TAFA1: variants seen among roughly 807,000 people sequenced by gnomAD.
The protein encoded by TAFA1 is chemokine-like protein TAFA-1.
Under a neutral mutation model 18.5 loss-of-function variants are expected in TAFA1, and 4 were observed. That is an observed-to-expected ratio of 0.22 (90% CI 0.11 to 0.49). The LOEUF is 0.49. Ranked by LOEUF, TAFA1 falls within the 20% of genes least tolerant of loss-of-function variation. TAFA1 has a pLI of 0.98. For missense variants in TAFA1, 147 were observed against 169.0 expected, an observed-to-expected ratio of 0.87 and a Z score of 0.72; for synonymous variants, 56 against 55.2, an observed-to-expected ratio of 1.01 and a Z score of -0.06.
chr3:68,042,728 C>A (rs571707859), intron 2 of TAFA1, among the ~76,000 whole-genome samples: 1 of 152,122 alleles, frequency 6.6e-6, no homozygotes, highest in African/African-American at 2.4e-5. Context: ...TGTGTTTATG[C>A]ACTAATTTTC....
At chr3:68,290,522 C>T (rs962848247) in intron 2 of TAFA1, among the ~76,000 whole-genome samples, 1 of 152,036 alleles carries the variant, frequency 6.6e-6, no homozygotes, top group Non-Finnish European at 1.5e-5. Context: ...CCCCTTTGAA[C>T]CTTTGTTGAC....
intron 2 of TAFA1, among the ~76,000 whole-genome samples, chr3:68,316,222 TG>T (rs2068603096): frequency 6.6e-6 from 1 of 152,212 alleles, no homozygotes; most frequent in South Asian, 2.1e-4. Flanking sequence ...CTGCCTGAGT[TG>T]TGAAGTTGAC....
chr3:68,496,146 C>G (rs1055071156), intron 3 of TAFA1, among the ~76,000 whole-genome samples: 8 of 152,044 alleles, frequency 5.3e-5, no homozygotes. Flanking sequence ...CCCTTTTACG[C>G]AGAAAGATCA....
At chr3:68,156,772 C>T (rs2065872255) in intron 2 of TAFA1, among the ~76,000 whole-genome samples, 1 of 37,930 alleles carries the variant, frequency 2.6e-5, no homozygotes, top group South Asian at 3.1e-3. Flanking sequence ...TGTTCTGTGC[C>T]AGGGAAAAAA....
At chr3:68,185,699 C>T (rs888764762) in intron 2 of TAFA1, among the ~76,000 whole-genome samples, 4 of 151,910 alleles carry the variant, frequency 2.6e-5, no homozygotes, top group African/African-American at 9.7e-5. Flanking sequence ...CACTTGAGCT[C>T]AGGAGTTCCA....
intron 3 of TAFA1, among the ~76,000 whole-genome samples, chr3:68,518,818 A>T (rs375212794): frequency 6.6e-6 from 1 of 152,176 alleles, no homozygotes; most frequent in Non-Finnish European, 1.5e-5. Flanking sequence ...AACCAGAGGG[A>T]AAAAAATTGG....
chr3:68,524,012 C>T (rs2106757412), intron 3 of TAFA1, among the ~76,000 whole-genome samples: 1 of 152,212 alleles, frequency 6.6e-6, no homozygotes, highest in Admixed American at 6.5e-5. Flanking sequence ...ACTACTTTCC[C>T]ATTGCCTTTT....
chr3:68,212,368 T>G (rs1222393085), intron 2 of TAFA1, among the ~76,000 whole-genome samples: 3 of 151,884 alleles, frequency 2.0e-5, no homozygotes, highest in Non-Finnish European at 4.4e-5. Flanking sequence ...CATTGAGAAG[T>G]TTTTAGTAGA....
intron 3 of TAFA1, among the ~76,000 whole-genome samples, chr3:68,474,533 A>C (rs960882783): frequency 2.6e-5 from 4 of 152,206 alleles, no homozygotes; most frequent in African/African-American, 9.6e-5. Context: ...CAAACTCACT[A>C]AGGTATGAAC....
At chr3:68,311,692 T>C (rs2068520253) in intron 2 of TAFA1, among the ~76,000 whole-genome samples, 1 of 152,240 alleles carries the variant, frequency 6.6e-6, no homozygotes, top group Admixed American at 6.5e-5. Flanking sequence ...CTTCACAGAA[T>C]ACAGCCTCCC....
Position 68,424,971 on chromosome 3 carries a change from G to A in TAFA1, c.259+7551G>A, listed in dbSNP as rs1455661297. On this transcript the variant is annotated intron_variant, in intron 3 of 4. Transcript: ENST00000478136. The stretch of plus-strand genomic sequence containing the variant: ...TAGGAATGTCTTTCAAGTCTTCCGA[G>A]TTAATGGATAGTGTGATGCCCGAAG... 2.6e-5 allele frequency among the ~76,000 whole-genome samples: 4 copies of A among 152,090 alleles called. No homozygotes were observed. The South Asian group carries it at 8.3e-4, about 31-fold the overall frequency.
chr3:68,028,429 TA>T (rs1704862769), intron 2 of TAFA1, among the ~76,000 whole-genome samples: 1 of 86,752 alleles, frequency 1.2e-5, no homozygotes, highest in Non-Finnish European at 2.6e-5. Context: ...ATATTATTTT[TA>T]ACCCAAAATA....
At chr3:67,997,258 C>T in the TAFA1 span, among the ~76,000 whole-genome samples, 1 of 152,108 alleles carries the variant, frequency 6.6e-6, no homozygotes, top group Admixed American at 6.5e-5. Context: ...AATTTTAAAA[C>T]TTTATAGAAA....
At chr3:68,277,485 G>C (rs747376786) in intron 2 of TAFA1, among the ~76,000 whole-genome samples, 1 of 152,020 alleles carries the variant, frequency 6.6e-6, no homozygotes, top group Non-Finnish European at 1.5e-5. Flanking sequence ...TGGAAAAGGG[G>C]GAAAAGCCAA....
chr3:68,101,037 T>A (rs753361329), intron 2 of TAFA1, among the ~76,000 whole-genome samples: 3 of 152,138 alleles, frequency 2.0e-5, no homozygotes, highest in Non-Finnish European at 4.4e-5. Context: ...AGTTCAAGAG[T>A]ACACGTGCAG....
At chr3:68,309,053 T>A (rs1431135919) in intron 2 of TAFA1, among the ~76,000 whole-genome samples, 1 of 152,130 alleles carries the variant, frequency 6.6e-6, no homozygotes, top group African/African-American at 2.4e-5. Context: ...TCATCACAGA[T>A]CTGCACATTG....
At chr3:68,172,097 AT>A (rs1321793829) in intron 2 of TAFA1, among the ~76,000 whole-genome samples, 1 of 152,196 alleles carries the variant, frequency 6.6e-6, no homozygotes, top group Non-Finnish European at 1.5e-5. Flanking sequence ...TAATCTACAG[AT>A]TGAAGCAGTT....
intron 2 of TAFA1, among the ~76,000 whole-genome samples, chr3:68,343,968 C>G (rs1266101045): frequency 6.6e-6 from 1 of 152,052 alleles, no homozygotes; most frequent in Non-Finnish European, 1.5e-5. Flanking sequence ...CTCAGCCTCC[C>G]GAGTAGCTGG....
chr3:68,433,497 AT>A (rs1168874156), intron 3 of TAFA1, among the ~76,000 whole-genome samples: 1 of 152,036 alleles, frequency 6.6e-6, no homozygotes, highest in East Asian at 1.9e-4. Context: ...CCCACTTTAA[AT>A]TACATTTTAA....
Sources: gnomAD v4.1 joint callset for allele counts (sites outside exome capture counted in the v4.1 genomes callset) on GRCh38, gnomAD v4.1.1 for gene constraint, MANE v1.5 for transcripts, NCBI Gene and HGNC (gene_info 2026-07-23, HGNC 2026-07-21) for gene names.